The following KIAA0232 variants were observed in gnomAD, a reference collection of about 807,000 sequenced individuals.
The protein encoded by KIAA0232 is KIAA0232.
In KIAA0232, 27 loss-of-function variants were observed where a neutral mutation model predicts 122.0. That is an observed-to-expected ratio of 0.22 (90% CI 0.16 to 0.31). The LOEUF is 0.31. KIAA0232 is among the 10% of genes least tolerant of loss of function. KIAA0232 has a pLI of 1.00. For synonymous variants in KIAA0232, 613 were observed against 587.6 expected (o/e 1.04, Z -0.63); for missense variants, 1,551 against 1,634.2 (o/e 0.95, Z 0.88).
chr4:6,821,827 TGCAA>T (rs1718439825), intron 2 of KIAA0232, among the ~76,000 whole-genome samples: 1 of 152,118 alleles, frequency 6.6e-6, no homozygotes, highest in Non-Finnish European at 1.5e-5. Context: ...CGAACGAGTG[TGCAA>T]GTATCTTTTT....
chr4:6,793,643 AG>A (rs1717004975), intron 1 of KIAA0232, among the ~76,000 whole-genome samples: 1 of 149,628 alleles, frequency 6.7e-6, no homozygotes, highest in Admixed American at 6.7e-5. Flanking sequence ...TTTCTTAAAA[AG>A]TGGTCAGAAT....
intron 1 of KIAA0232, among the ~76,000 whole-genome samples, chr4:6,802,485 G>A (rs1036530748): frequency 3.9e-5 from 6 of 152,126 alleles, no homozygotes; most frequent in East Asian, 3.8e-4. Flanking sequence ...ATTGGTTGGC[G>A]TTCTGGAGAA....
At chr4:6,859,645 G>A (rs901178863) in intron 6 of KIAA0232, among the ~76,000 whole-genome samples, 1 of 152,146 alleles carries the variant, frequency 6.6e-6, no homozygotes, top group African/African-American at 2.4e-5. Flanking sequence ...AATTACATAT[G>A]AAGCTCAAAA....
intron 2 of KIAA0232, among the ~76,000 whole-genome samples, chr4:6,812,808 T>C (rs2108980787): frequency 6.6e-6 from 1 of 152,176 alleles, no homozygotes; most frequent in African/African-American, 2.4e-5. Flanking sequence ...TGTCTGGTGC[T>C]CTTTTTGATC....
chr4:6,862,155 G>T lies in KIAA0232; in HGVS notation c.1773G>T (p.Trp591Cys). 1 of 1,614,122 alleles carries T rather than the reference G, an allele frequency of 6.2e-7. No individual in the cohort carries two copies. Among genetic ancestry groups the T allele is most frequent in the Non-Finnish European group, 8.5e-7 (1 of 1,180,016 alleles). Residue 591 changes from tryptophan to cysteine, a missense_variant, in exon 7 of 10, where the codon TGG (tryptophan) becomes TGT (cysteine). Coordinates refer to ENST00000307659, the MANE Select transcript of KIAA0232 (RefSeq NM_014743.3). ...LQDLGNLAQF[W>C]ECCSSSSGDA... ...ACCTTGGCAATCTGGCTCAGTTTTG[G>T]GAGTGCTGTTCATCCAGCTCCGGTG...
chr4:6,790,566 G>A (rs1393461510), intron 1 of KIAA0232, among the ~76,000 whole-genome samples: 1 of 151,616 alleles, frequency 6.6e-6, no homozygotes, highest in Non-Finnish European at 1.5e-5. Context: ...TTCTTTTTAT[G>A]TAGAGACAGG....
rs146654388 is a variant in KIAA0232 at position 6,829,813 on chromosome 4, C to A, written c.231+5129C>A. On this transcript the variant is annotated intron_variant, in intron 3 of 9. Coordinates refer to ENST00000307659, the MANE Select transcript of KIAA0232 (RefSeq NM_014743.3). Reference sequence around the variant, plus strand: ...TAAAATGGGAGTTAACTTTTCCTGCCCAGAAGTTGTGCTAGACTGATAGTT... The same window carrying A: ...TAAAATGGGAGTTAACTTTTCCTGCACAGAAGTTGTGCTAGACTGATAGTT... Among the ~76,000 whole-genome samples the A allele has an allele frequency of 6.6e-5, 10 of 151,972 alleles. 1 individual carries two copies. The East Asian group carries it at 1.9e-3, about 29-fold the overall frequency.
At chr4:6,835,107 A>G (rs1719192464) in intron 3 of KIAA0232, among the ~76,000 whole-genome samples, 2 of 152,180 alleles carry the variant, frequency 1.3e-5, no homozygotes, top group African/African-American at 4.8e-5. Flanking sequence ...CATGTCTGTC[A>G]TCTTGGCAGG....
At chr4:6,875,344 T>G (rs1349998949) in intron 8 of KIAA0232, among the ~76,000 whole-genome samples, 1 of 152,214 alleles carries the variant, frequency 6.6e-6, no homozygotes, top group Non-Finnish European at 1.5e-5. Context: ...GTTAAATAAT[T>G]TGTGCAAAGT....
At chr4:6,821,646 G>A (rs530790210) in intron 2 of KIAA0232, among the ~76,000 whole-genome samples, 3 of 150,050 alleles carry the variant, frequency 2.0e-5, no homozygotes, top group Admixed American at 1.3e-4. Flanking sequence ...ATATAGATAC[G>A]TGTATATACG....
chr4:6,861,513 T>A lies in KIAA0232; in HGVS notation c.1131T>A (p.Asp377Glu). The change falls in exon 7 of 10, where the codon GAT (aspartate) becomes GAA (glutamate). Residue 377 changes from aspartate (D) to glutamate (E), a missense_variant. Physicochemically the swap from Asp to Glu is conservative, Grantham distance 45. Around this residue, in one of 5 missense-constraint regions of KIAA0232, gnomAD observed 377 missense variants for 381.7 expected, o/e 0.99. Coordinates refer to ENST00000307659, the MANE Select transcript of KIAA0232 (RefSeq NM_014743.3). ...KRPLKEIGRKDPGSTEGKDLY... is the reference protein window; with the variant it reads ...KRPLKEIGRKEPGSTEGKDLY... ...CTTTAAAAGAAATAGGGAGAAAAGA[T>A]CCTGGGAGCACTGAAGGAAAAGACC... 6.2e-7 allele frequency: 1 copy of A among 1,613,904 alleles called. No homozygotes were observed. Among genetic ancestry groups the A allele is most frequent in the Non-Finnish European group, 8.5e-7 (1 of 1,179,970 alleles).
intron 3 of KIAA0232, among the ~76,000 whole-genome samples, chr4:6,838,894 C>G (rs79587214): frequency 0.28 from 42,091 of 151,998 alleles, 7,524 homozygotes; most frequent in Non-Finnish European, 0.4. Context: ...TCTGGGAGGC[C>G]GAGGCGGGCA....
intron 2 of KIAA0232, among the ~76,000 whole-genome samples, chr4:6,809,342 A>T (rs1208278109): frequency 6.6e-6 from 1 of 152,184 alleles, no homozygotes; most frequent in Non-Finnish European, 1.5e-5. Context: ...ACTTGCTTTG[A>T]CTCATAAAAT....
In KIAA0232 at chr4:6,833,011, C is replaced by G. The variant is rs150662637; in HGVS notation, c.231+8327C>G. Among the ~76,000 whole-genome samples the G allele has an allele frequency of 2.9e-3, 443 of 152,274 alleles. 3 individuals carry two copies. Among genetic ancestry groups the G allele is most frequent in the African/African-American group, 0.01 (423 of 41,538 alleles). ...GTCCTGAGTGCTAGGTGAGACTCATCCCTTCTTCATTCAACAGACCTTATT... is the reference window on the plus strand; with the variant it reads ...GTCCTGAGTGCTAGGTGAGACTCATGCCTTCTTCATTCAACAGACCTTATT... On this transcript the variant is annotated intron_variant, in intron 3 of 9. Transcript: ENST00000307659.
intron 2 of KIAA0232, among the ~76,000 whole-genome samples, chr4:6,817,342 A>G (rs1329059687): frequency 6.6e-6 from 1 of 152,108 alleles, no homozygotes; most frequent in Non-Finnish European, 1.5e-5. Flanking sequence ...TCAGCCTCCC[A>G]AGTAGCTGGG....
rs146213700 is a variant in KIAA0232 at position 6,878,329 on chromosome 4, C to T, written c.4008+1572C>T. ...GGTAGAGATTGCAGTGAGCTGAGAT[C>T]GCACCACTGCACTCCAGCCTGGGTG... On this transcript the variant is annotated intron_variant, in intron 9 of 9. Transcript: ENST00000307659. Among the ~76,000 whole-genome samples, 60 of 152,164 alleles carry T rather than the reference C, an allele frequency of 3.9e-4. No homozygotes were observed. In the East Asian group the frequency reaches 0.01, roughly 25 times the overall value.
At chr4:6,871,813 A>G (rs996420435) in intron 8 of KIAA0232, 131 bp downstream of exon 8, 1 of 629,188 alleles carries the variant, frequency 1.6e-6, no homozygotes, top group Admixed American at 2.7e-5. Context: ...GCACTTTGTC[A>G]TGCACTGGGG....
chr4:6,878,291 C>T (rs1210461583), intron 9 of KIAA0232, among the ~76,000 whole-genome samples: 2 of 152,138 alleles, frequency 1.3e-5, no homozygotes, highest in African/African-American at 2.4e-5. Flanking sequence ...TGGAGAATTG[C>T]TTGAACCCAG....
intron 2 of KIAA0232, among the ~76,000 whole-genome samples, chr4:6,810,813 T>C (rs568954160): frequency 2.0e-5 from 3 of 152,266 alleles, no homozygotes; most frequent in Non-Finnish European, 1.5e-5. Flanking sequence ...ACACATGGCC[T>C]ACACGTATAT....
Sources: allele counts gnomAD v4.1 joint callset (sites outside exome capture counted in the v4.1 genomes callset), GRCh38; gene constraint gnomAD v4.1.1; regional missense constraint gnomAD v4.1.1; transcripts MANE v1.5; gene names NCBI Gene and HGNC (gene_info 2026-07-23, HGNC 2026-07-21).